ATP2B2: variants seen among roughly 807,000 people sequenced by gnomAD.
ATP2B2 encodes the protein ATPase plasma membrane Ca2+ transporting 2.
ATP2B2 carries 15 observed loss-of-function variants against 120.0 expected under a neutral mutation model. That is an observed-to-expected ratio of 0.12 (90% CI 0.08 to 0.19). The LOEUF is 0.19. Ranked by LOEUF, ATP2B2 falls within the 10% of genes least tolerant of loss-of-function variation. ATP2B2 has a pLI of 1.00. For missense variants in ATP2B2, 1,045 were observed against 1,719.8 expected (o/e 0.61, Z 6.94); for synonymous variants, 694 against 700.3 (o/e 0.99, Z 0.14).
intron 8 of ATP2B2, among the ~76,000 whole-genome samples, chr3:10,384,617 C>T (rs1481333643): frequency 2.0e-5 from 3 of 152,324 alleles, no homozygotes; most frequent in East Asian, 1.9e-4. Context: ...CCCCACCCTC[C>T]ACCCCTGTGA....
rs138879320 is a variant in ATP2B2 at position 10,362,007 on chromosome 3, C to T, written c.1660-1884G>A. On this transcript the variant is annotated intron_variant, in intron 12 of 22. Transcript: ENST00000360273. Reference sequence around the variant, plus strand: ...TGCAGGTGGCTCCCATGTGCACCCCCCAACCCCAATGCACACACCCACTCA... The same window carrying T: ...TGCAGGTGGCTCCCATGTGCACCCCTCAACCCCAATGCACACACCCACTCA... 2.1e-3 allele frequency among the ~76,000 whole-genome samples: 316 copies of T among 152,308 alleles called. 1 individual carries two copies. Among genetic ancestry groups the T allele is most frequent in the African/African-American group, 7.2e-3 (301 of 41,570 alleles).
At chr3:10,700,632 C>T (rs997625551) in intron 1 of ATP2B2, among the ~76,000 whole-genome samples, 1 of 152,204 alleles carries the variant, frequency 6.6e-6, no homozygotes, top group Non-Finnish European at 1.5e-5. Flanking sequence ...AATGAAAAGA[C>T]TCAAAAACAT....
intron 1 of ATP2B2, among the ~76,000 whole-genome samples, chr3:10,503,300 G>T (rs1043699431): frequency 6.6e-6 from 1 of 152,226 alleles, no homozygotes; most frequent in African/African-American, 2.4e-5. Context: ...GGCTGGTGGG[G>T]CCAGTCTGGG....
chr3:10,483,593 G>C (rs187596062), intron 1 of ATP2B2, among the ~76,000 whole-genome samples: 3 of 152,146 alleles, frequency 2.0e-5, no homozygotes, highest in Non-Finnish European at 4.4e-5. Context: ...CCTCTTACTG[G>C]GGAATTCTCT....
At chr3:10,542,550 C>T (rs9870539) in intron 2 of ATP2B2, among the ~76,000 whole-genome samples, 25,381 of 152,078 alleles carry the variant, frequency 0.17, 2,863 homozygotes, top group East Asian at 0.31. Flanking sequence ...ATTATCTTAG[C>T]TTTCCTTCAT....
chr3:10,665,788 C>G (rs1022662676), intron 1 of ATP2B2, among the ~76,000 whole-genome samples: 2 of 152,068 alleles, frequency 1.3e-5, no homozygotes, highest in Admixed American at 1.3e-4. Flanking sequence ...GAGTCTTGCC[C>G]GCCTCCAGCA....
chr3:10,570,821 C>T (rs1320216688), intron 2 of ATP2B2, among the ~76,000 whole-genome samples: 1 of 152,246 alleles, frequency 6.6e-6, no homozygotes, highest in South Asian at 2.1e-4. Flanking sequence ...AGCACCTCAA[C>T]GCCCTGCTGT....
At chr3:10,392,091 G>T (rs1199367624) in intron 5 of ATP2B2, among the ~76,000 whole-genome samples, 2 of 152,042 alleles carry the variant, frequency 1.3e-5, no homozygotes, top group East Asian at 3.9e-4. Flanking sequence ...AGTCTCCTCT[G>T]GGGGTGCTTC....
chr3:10,526,833 A>T (rs1444675717), intron 3 of ATP2B2, among the ~76,000 whole-genome samples: 2 of 152,054 alleles, frequency 1.3e-5, no homozygotes, highest in African/African-American at 4.8e-5. Context: ...TCCTAATAAT[A>T]ATAACAATAA....
intron 2 of ATP2B2, among the ~76,000 whole-genome samples, chr3:10,558,674 A>T (rs538922965): frequency 5.9e-5 from 9 of 152,086 alleles, no homozygotes; most frequent in Admixed American, 5.9e-4. Flanking sequence ...TAACCCTTAA[A>T]CCCCTTTGTG....
chr3:10,618,592 T>C (rs2069460641), intron 2 of ATP2B2, among the ~76,000 whole-genome samples: 1 of 152,184 alleles, frequency 6.6e-6, no homozygotes, highest in Non-Finnish European at 1.5e-5. Context: ...GCTTCGCCCC[T>C]GCCAGCTCTT....
At chr3:10,485,277 A>G (rs958111975) in intron 1 of ATP2B2, among the ~76,000 whole-genome samples, 1 of 152,172 alleles carries the variant, frequency 6.6e-6, no homozygotes, top group Non-Finnish European at 1.5e-5. Flanking sequence ...AAGGTTTATT[A>G]TCCCTATTTT....
rs768044481 is a variant in ATP2B2, at chr3:10,325,895, G to T, written c.*2919C>A. 13 of 152,166 alleles carry T rather than the reference G, an allele frequency of 8.5e-5. No individual in the cohort carries two copies. The highest frequency in any genetic ancestry group is 1.6e-4 in the Non-Finnish European group (11 of 68,030). The allele number at this position is 152,166 out of a possible 1,614,324, so 9.4% of individuals were successfully genotyped here. On this transcript the variant is annotated 3_prime_UTR_variant, in exon 23 of 23. Transcript: ENST00000360273. ...CCCTTGTCTAGAGGACAGAAAAGAAGCTATGTGGATGATGCAGTCCCAAAG... is the reference window on the plus strand; with the variant it reads ...CCCTTGTCTAGAGGACAGAAAAGAATCTATGTGGATGATGCAGTCCCAAAG...
Position 10,505,466 on chromosome 3 carries a change from T to C in ATP2B2, c.-321A>G, listed in dbSNP as rs2066587602. The C allele has an allele frequency of 6.6e-6, 1 of 151,610 alleles. No homozygotes were observed. Among genetic ancestry groups the C allele is most frequent in the Admixed American group, 6.6e-5 (1 of 15,228 alleles). The allele number at this position is 151,610 out of a possible 1,614,324, so 9.4% of individuals were successfully genotyped here. On this transcript the variant is annotated splice_region_variant and 5_prime_UTR_variant, in exon 1 of 23. Transcript: ENST00000360273. ...ATGCTGGGGGATGCCGGTACTTACTTGGCTATGAAAATCACCACCAATCCT... is the reference window on the plus strand; with the variant it reads ...ATGCTGGGGGATGCCGGTACTTACTCGGCTATGAAAATCACCACCAATCCT...
intron 8 of ATP2B2, 62 bp downstream of exon 8, chr3:10,385,206 T>A: frequency 6.6e-7 from 1 of 1,523,742 alleles, no homozygotes; most frequent in Non-Finnish European, 9.1e-7. Context: ...AAGCCCAAAG[T>A]TGGGGTGGGG....
intron 2 of ATP2B2, among the ~76,000 whole-genome samples, chr3:10,551,282 A>G (rs1044857425): frequency 6.6e-6 from 1 of 152,222 alleles, no homozygotes; most frequent in Non-Finnish European, 1.5e-5. Flanking sequence ...TGGGGGAAAG[A>G]TGAGAGACGC....
intron 1 of ATP2B2, among the ~76,000 whole-genome samples, chr3:10,680,896 G>T (rs1031733936): frequency 6.6e-6 from 1 of 152,102 alleles, no homozygotes; most frequent in Non-Finnish European, 1.5e-5. Flanking sequence ...GTGGAGGTGG[G>T]GCCTGGTGTT....
At chr3:10,463,871 C>T (rs1406329120) in intron 1 of ATP2B2, among the ~76,000 whole-genome samples, 3 of 152,256 alleles carry the variant, frequency 2.0e-5, no homozygotes, top group African/African-American at 7.2e-5. Flanking sequence ...ACACTCTGAT[C>T]TGCCAGGAGG....
At chr3:10,640,666 G>C (rs1441233806) in intron 1 of ATP2B2, among the ~76,000 whole-genome samples, 1 of 151,986 alleles carries the variant, frequency 6.6e-6, no homozygotes, top group African/African-American at 2.4e-5. Context: ...GAAAGAGTGT[G>C]GGGAAGGCTG....
Sources: allele counts gnomAD v4.1 joint callset (sites outside exome capture counted in the v4.1 genomes callset), GRCh38; gene constraint gnomAD v4.1.1; transcripts MANE v1.5; gene names NCBI Gene and HGNC (gene_info 2026-07-23, HGNC 2026-07-21).